C10orf90: variants seen among roughly 807,000 people sequenced by gnomAD.
C10orf90 encodes the protein chromosome 10 open reading frame 90.
In C10orf90, 56 loss-of-function variants were observed where a neutral mutation model predicts 62.5. The observed-to-expected ratio is 0.90, with a 90% CI of 0.72 to 1.12. C10orf90 has a LOEUF of 1.12. C10orf90 is among the 50% of genes most tolerant of loss of function. The pLI is 0.00. For missense variants in C10orf90, 970 were observed against 880.4 expected (o/e 1.10, Z -1.29); for synonymous variants, 386 against 340.4 (o/e 1.13, Z -1.47).
At chr10:126,508,982 C>A (rs1862933651) in intron 3 of C10orf90, among the ~76,000 whole-genome samples, 1 of 152,182 alleles carries the variant, frequency 6.6e-6, no homozygotes, top group Non-Finnish European at 1.5e-5. Flanking sequence ...GAAGCCACAG[C>A]CAGAGCCCAG....
intron 2 of C10orf90, among the ~76,000 whole-genome samples, chr10:126,519,438 A>T (rs1863623050): frequency 6.6e-6 from 1 of 152,188 alleles, no homozygotes; most frequent in African/African-American, 2.4e-5. Flanking sequence ...TGCAAATGGC[A>T]AATGCCCAGA....
chr10:126,642,270 C>T (rs1040544624), intron 2 of C10orf90, among the ~76,000 whole-genome samples: 8 of 152,132 alleles, frequency 5.3e-5, no homozygotes, highest in South Asian at 2.1e-4. Context: ...CGGTGGCTCA[C>T]GCTTGTAATC....
At chr10:126,614,550 G>A (rs1215761872) in intron 2 of C10orf90, among the ~76,000 whole-genome samples, 1 of 152,090 alleles carries the variant, frequency 6.6e-6, no homozygotes, top group Non-Finnish European at 1.5e-5. Context: ...GCCATGTGGG[G>A]GTGGATGTGG....
intron 2 of C10orf90, among the ~76,000 whole-genome samples, chr10:126,629,957 T>G (rs548744946): frequency 7.2e-5 from 11 of 152,336 alleles, no homozygotes; most frequent in African/African-American, 1.9e-4. Flanking sequence ...CCTTTTACAT[T>G]CACCAACTTC....
At chr10:126,463,702 G>A (rs1384948825) in intron 5 of C10orf90, among the ~76,000 whole-genome samples, 5 of 152,182 alleles carry the variant, frequency 3.3e-5, no homozygotes, top group Non-Finnish European at 7.3e-5. Context: ...TCAAGTTCCT[G>A]CTCAAATCAC....
intron 2 of C10orf90, among the ~76,000 whole-genome samples, chr10:126,629,232 A>C (rs2133827077): frequency 6.6e-6 from 1 of 152,356 alleles, no homozygotes; most frequent in Non-Finnish European, 1.5e-5. Context: ...GTGAAGGGTA[A>C]AAACTTTTAT....
chr10:126,534,658 C>T (rs1864186983), intron 2 of C10orf90, among the ~76,000 whole-genome samples: 1 of 152,202 alleles, frequency 6.6e-6, no homozygotes, highest in Non-Finnish European at 1.5e-5. Context: ...GATGATATCA[C>T]CATTGGGTCC....
chr10:126,579,280 T>C (rs1445097942), intron 2 of C10orf90, among the ~76,000 whole-genome samples: 9 of 59,978 alleles, frequency 1.5e-4, no homozygotes, highest in Non-Finnish European at 4.3e-4. Context: ...TCTTTCTTTT[T>C]TTTTTTTTTT....
At chr10:126,564,201 A>G (rs903488618) in intron 2 of C10orf90, among the ~76,000 whole-genome samples, 1 of 151,910 alleles carries the variant, frequency 6.6e-6, no homozygotes, top group African/African-American at 2.4e-5. Context: ...ATATGCCAAA[A>G]TGTCAGCAGC....
chr10:126,438,759 G>A (rs993316436), intron 7 of C10orf90, among the ~76,000 whole-genome samples: 1 of 152,014 alleles, frequency 6.6e-6, no homozygotes, highest in South Asian at 2.1e-4. Context: ...TGTTGTGTGT[G>A]TGTGTGTGTG....
chr10:126,585,700 G>A (rs1844856996), intron 2 of C10orf90, among the ~76,000 whole-genome samples: 1 of 152,150 alleles, frequency 6.6e-6, no homozygotes, highest in African/African-American at 2.4e-5. Context: ...CTGGACAAAG[G>A]AAAGGATTTA....
chr10:126,496,568 C>T (rs989866543), intron 4 of C10orf90: 2 of 720,422 alleles, frequency 2.8e-6, no homozygotes, highest in Non-Finnish European at 3.4e-6. Context: ...TAAAGGGAAA[C>T]AATATTTTGA....
chr10:126,465,005 T>C lies in C10orf90; in HGVS notation c.1535-19A>G, dbSNP rs948707503. ...GTGTGTACTAAAAATAAAACGAGAGTTGTGCTCAAAATCTCTTATGAATCC... is the reference window on the plus strand; with the variant it reads ...GTGTGTACTAAAAATAAAACGAGAGCTGTGCTCAAAATCTCTTATGAATCC... On this transcript the variant is annotated intron_variant, in intron 4 of 9. Coordinates refer to ENST00000488181, the MANE Select transcript of C10orf90 (RefSeq NM_001350921.2). 1.9e-6 allele frequency: 3 copies of C among 1,590,740 alleles called. No individual in the cohort carries two copies. Among genetic ancestry groups the C allele is most frequent in the Non-Finnish European group, 2.6e-6 (3 of 1,162,170 alleles).
At chr10:126,483,158 G>T (rs1564823508) in intron 4 of C10orf90, among the ~76,000 whole-genome samples, 1 of 152,228 alleles carries the variant, frequency 6.6e-6, no homozygotes, top group African/African-American at 2.4e-5. Context: ...ATAGCCTGTG[G>T]CCAGCAGATT....
intron 1 of C10orf90, among the ~76,000 whole-genome samples, chr10:126,666,521 G>A (rs1846629779): frequency 6.6e-6 from 1 of 152,166 alleles, no homozygotes; most frequent in Admixed American, 6.5e-5. Context: ...AGCAGCTCAA[G>A]AAGGTAGAGG....
At chr10:126,442,652 T>C (rs1198278566) in intron 7 of C10orf90, among the ~76,000 whole-genome samples, 1 of 54,438 alleles carries the variant, frequency 1.8e-5, no homozygotes, top group Non-Finnish European at 4.7e-5. Flanking sequence ...TATATATATA[T>C]ATATATATAT....
At chr10:126,575,600 A>G (rs1282202537) in intron 2 of C10orf90, among the ~76,000 whole-genome samples, 5 of 152,018 alleles carry the variant, frequency 3.3e-5, no homozygotes, top group Non-Finnish European at 7.4e-5. Context: ...TAGAACCACA[A>G]AGGATTCTGA....
At chr10:126,432,649 C>T (rs964149377) in intron 7 of C10orf90, among the ~76,000 whole-genome samples, 21 of 152,322 alleles carry the variant, frequency 1.4e-4, no homozygotes, top group African/African-American at 5.1e-4. Flanking sequence ...CAGTGAGCTT[C>T]TGCAGTAAGA....
At chr10:126,663,945 AG>A (rs139449319) in intron 1 of C10orf90, among the ~76,000 whole-genome samples, 1 of 152,262 alleles carries the variant, frequency 6.6e-6, no homozygotes, top group Non-Finnish European at 1.5e-5. Context: ...GCCCCTAGGG[AG>A]GTCCATTTTA....
Sources: allele counts gnomAD v4.1 joint callset (sites outside exome capture counted in the v4.1 genomes callset), GRCh38; gene constraint gnomAD v4.1.1; transcripts MANE v1.5; gene names NCBI Gene and HGNC (gene_info 2026-07-23, HGNC 2026-07-21).